The following GIP variants were observed in gnomAD, a reference collection of about 807,000 sequenced individuals.
GIP encodes gastric inhibitory polypeptide.
Under a neutral mutation model 18.1 loss-of-function variants are expected in GIP, and 16 were observed. That is an observed-to-expected ratio of 0.88 (90% CI 0.60 to 1.34). The LOEUF is 1.34. Among genes scored for constraint, GIP ranks in the 40% most tolerant of loss-of-function variants. The probability of loss-of-function intolerance (pLI) is 0.00; values close to 1 mark genes in which losing one functional copy is unlikely to be tolerated. For missense variants in GIP, 192 were observed against 183.4 expected (o/e 1.05, Z -0.27); for synonymous variants, 76 against 74.0 (o/e 1.03, Z -0.14).
In GIP at chr17:48,965,318, A is replaced by G. The variant is rs1479196091; in HGVS notation, c.87-838T>C. On this transcript the variant is annotated intron_variant, in intron 2 of 5. Coordinates refer to ENST00000357424, the MANE Select transcript of GIP (RefSeq NM_004123.3). ...CTTCGTCTCAATAAAAAAAAAAAAA[A>G]AAAAGGCTGGGTGCGGTGGCTCACG... Among the ~76,000 whole-genome samples the G allele has an allele frequency of 2.7e-5, 4 of 149,340 alleles. No homozygotes were observed. In the East Asian group the frequency reaches 8.0e-4, roughly 30 times the overall value.
chr17:48,967,500 C>T (rs1274209909), intron 1 of GIP, among the ~76,000 whole-genome samples: 1 of 151,678 alleles, frequency 6.6e-6, no homozygotes, highest in Non-Finnish European at 1.5e-5. Context: ...GCCTGGACTA[C>T]AGGCATGTGC....
chr17:48,963,233 G>A (rs572312472), intron 3 of GIP, among the ~76,000 whole-genome samples: 2 of 151,702 alleles, frequency 1.3e-5, no homozygotes, highest in South Asian at 2.1e-4. Flanking sequence ...CTGGTGAAAG[G>A]TGCCACCCAG....
intron 1 of GIP, among the ~76,000 whole-genome samples, chr17:48,968,284 G>A (rs2041246234): frequency 6.6e-6 from 1 of 151,830 alleles, no homozygotes; most frequent in South Asian, 2.1e-4. Flanking sequence ...TGTAGAGATC[G>A]AGTTTCCCTC....
chr17:48,959,313 T>G (rs2041186717), intron 5 of GIP, among the ~76,000 whole-genome samples: 1 of 152,136 alleles, frequency 6.6e-6, no homozygotes, highest in Non-Finnish European at 1.5e-5. Flanking sequence ...TAATGATAAG[T>G]AATCAAAATA....
At chr17:48,967,694 T>G (rs2041242693) in intron 1 of GIP, among the ~76,000 whole-genome samples, 1 of 150,990 alleles carries the variant, frequency 6.6e-6, no homozygotes, top group African/African-American at 2.4e-5. Flanking sequence ...GGCAACACCA[T>G]GGGGGAAGAT....
intron 3 of GIP, among the ~76,000 whole-genome samples, chr17:48,963,695 G>A (rs1465518591): frequency 3.3e-5 from 5 of 151,282 alleles, no homozygotes; most frequent in Admixed American, 6.6e-5. Flanking sequence ...TTAGCCAGGC[G>A]TGGTGGCACA....
intron 2 of GIP, among the ~76,000 whole-genome samples, chr17:48,965,817 G>A (rs945503170): frequency 1.3e-5 from 2 of 152,046 alleles, no homozygotes; most frequent in African/African-American, 4.8e-5. Context: ...ATCCTATGAG[G>A]TAGGTTCTAT....
Position 48,964,555 on chromosome 17 carries a change from C to T in GIP, c.87-75G>A, listed in dbSNP as rs137944436. 920 of 1,308,460 alleles carry T rather than the reference C, an allele frequency of 7.0e-4. 6 individuals carry two copies. The African/African-American group carries it at 0.012, about 17-fold the overall frequency. The allele number at this position is 1,308,460 out of a possible 1,614,324, so 81.1% of individuals were successfully genotyped here. A position where few individuals can be genotyped will look rare whatever the true frequency, so the allele number is the denominator to read the frequency against. ...TGCTAGGGTAAATGACTGTCACTAA[C>T]AGGAGGCAGACACTTGAAAACAAAC... is the stretch of plus-strand genomic sequence containing the variant. On this transcript the variant is annotated intron_variant, in intron 2 of 5. Transcript: ENST00000357424.
intron 3 of GIP, among the ~76,000 whole-genome samples, chr17:48,963,841 CAAAAAAAA>C (rs60257330): frequency 5.6e-5 from 2 of 35,890 alleles, no homozygotes; most frequent in African/African-American, 1.7e-4. Context: ...AACTCTGTCT[CAAAAAAAA>C]AAAAAAAAAA....
chr17:48,961,856 G>A, intron 3 of GIP, 37 bp from the exon 4 acceptor site: 1 of 1,429,378 alleles, frequency 7.0e-7, no homozygotes, highest in Non-Finnish European at 9.8e-7. Context: ...GCAAGCTGCG[G>A]AGACTCCAGT....
Position 48,966,561 on chromosome 17 carries a change from C to A in GIP, c.86+586G>T, listed in dbSNP as rs534241962. Reference sequence around the variant, plus strand: ...GACAGAGCGAGACTCCATCCCCCCCCAAAAAAAAAGAAAAAGAAAAGAATA... The same window carrying A: ...GACAGAGCGAGACTCCATCCCCCCCAAAAAAAAAAGAAAAAGAAAAGAATA... On this transcript the variant is annotated intron_variant, in intron 2 of 5. Coordinates refer to ENST00000357424, the MANE Select transcript of GIP (RefSeq NM_004123.3). Among the ~76,000 whole-genome samples, 37 of 143,918 alleles carry A rather than the reference C, an allele frequency of 2.6e-4. No homozygotes were observed. In the East Asian group the frequency reaches 3.8e-3, roughly 15 times the overall value. 94.4% of individuals were successfully genotyped at this position (143,918 alleles called of 152,430 possible).
chr17:48,965,625 G>C (rs1007318267), intron 2 of GIP, among the ~76,000 whole-genome samples: 7 of 77,730 alleles, frequency 9.0e-5, no homozygotes, highest in African/African-American at 3.2e-4. Flanking sequence ...AAAAAAAAAG[G>C]GATCGGGGTC....
In GIP at chr17:48,965,951, C is replaced by T. The variant is rs147690636; in HGVS notation, c.86+1196G>A. Among the ~76,000 whole-genome samples, 102 of 152,164 alleles carry T rather than the reference C, an allele frequency of 6.7e-4. No homozygotes were observed. The East Asian group carries it at 0.015, about 22-fold the overall frequency. On this transcript the variant is annotated intron_variant, in intron 2 of 5. Coordinates refer to ENST00000357424, the MANE Select transcript of GIP (RefSeq NM_004123.3). The stretch of plus-strand genomic sequence containing the variant: ...TACCCCAGGCCATCTGGGCTCAGAT[C>T]TATGTTCTTAACATCTACATGATAC...
At chr17:48,967,386 G>A (rs1188962614) in intron 1 of GIP, 133 bp from the exon 2 acceptor site, 1 of 575,664 alleles carries the variant, frequency 1.7e-6, no homozygotes, top group Non-Finnish European at 3.0e-6. Context: ...TTGAGATGGA[G>A]TCTCGCTCTG....
chr17:48,966,236 G>A (rs1281027627), intron 2 of GIP, among the ~76,000 whole-genome samples: 3 of 140,690 alleles, frequency 2.1e-5, no homozygotes, highest in African/African-American at 5.6e-5. Flanking sequence ...CAGCCTGGGT[G>A]AGAAAGTGAG....
intron 5 of GIP, 83 bp from the exon 6 acceptor site, chr17:48,958,799 T>C: frequency 2.1e-6 from 2 of 946,722 alleles, no homozygotes; most frequent in African/African-American, 1.6e-5. Flanking sequence ...CCAACCATTG[T>C]TGAACCCCTC....
At position 48,967,213 on chromosome 17, in the gene GIP, A is replaced by C; in HGVS notation, c.20T>G (p.Phe7Cys). Residue 7 changes from phenylalanine (F) to cysteine (C), a missense_variant, in exon 2 of 6, where the codon TTT (phenylalanine) becomes TGT (cysteine). Transcript: ENST00000357424. MVATKT[F>C]ALLLLSLFLA... ...GAACAGGGACAGCAGCAGCAGAGCAAAGGTCTTCGTGGCCACCATCTTCCA... is the reference window on the plus strand; with the variant it reads ...GAACAGGGACAGCAGCAGCAGAGCACAGGTCTTCGTGGCCACCATCTTCCA... 6.2e-7 allele frequency: 1 copy of C among 1,614,046 alleles called. No homozygotes were observed. The highest frequency in any genetic ancestry group is 1.3e-5 in the African/African-American group (1 of 75,024).
intron 4 of GIP, 85 bp from the exon 5 acceptor site, chr17:48,961,072 G>A (rs75421129): frequency 2.8e-5 from 23 of 816,052 alleles, no homozygotes; most frequent in Non-Finnish European, 3.4e-5. Context: ...CACCACTGAG[G>A]GGCAGCCGCG....
chr17:48,964,388 T>C lies in GIP; in HGVS notation c.179A>G (p.Asp60Gly), dbSNP rs781109564. ...PRYAEGTFIS[D>G]YSIAMDKIHQ... ...AATCTTGTCCATGGCAATACTGTAG[T>C]CACTGATGAAAGTCCCTTCCGCGTA... Residue 60 changes from aspartate (D) to glycine (G), a missense_variant, in exon 3 of 6, where the codon GAC (aspartate) becomes GGC (glycine). Transcript: ENST00000357424. 1 of 1,613,732 alleles carries C rather than the reference T, an allele frequency of 6.2e-7. No homozygotes were observed. The highest frequency in any genetic ancestry group is 1.3e-5 in the African/African-American group (1 of 74,998).
Sources: allele counts gnomAD v4.1 joint callset (sites outside exome capture counted in the v4.1 genomes callset), GRCh38; gene constraint gnomAD v4.1.1; transcripts MANE v1.5; gene names NCBI Gene and HGNC (gene_info 2026-07-23, HGNC 2026-07-21).